Variants in TMEM47 observed in about 807,000 individuals in gnomAD.
TMEM47 encodes brain cell membrane protein 1.
In TMEM47, 3 loss-of-function variants were observed where a neutral mutation model predicts 12.4. The ratio of observed to expected loss-of-function variants is 0.24; its 90% CI spans 0.11 to 0.63. TMEM47 has a LOEUF of 0.63. Ranked by LOEUF, TMEM47 falls within the 20% of genes least tolerant of loss-of-function variation. The pLI is 0.86. For missense variants in TMEM47, 89 were observed against 143.8 expected (o/e 0.62, Z 1.95); for synonymous variants, 62 against 63.3 (o/e 0.98, Z 0.10).
chrX:34,630,162 T>A lies in TMEM47; in HGVS notation c.*151A>T. On this transcript the variant is annotated 3_prime_UTR_variant, in exon 3 of 3. Transcript: ENST00000275954. Reference sequence around the variant, plus strand: ...AAATGGATGTAAAAGCTGGTTATGATGTTGACAGCCAAAAGGCAAAAAAGA... The same window carrying A: ...AAATGGATGTAAAAGCTGGTTATGAAGTTGACAGCCAAAAGGCAAAAAAGA... 2.0e-6 allele frequency: 1 copy of A among 510,657 alleles called. No individual in the cohort carries two copies. Among genetic ancestry groups the A allele is most frequent in the Non-Finnish European group, 3.1e-6 (1 of 324,583 alleles). 42.1% of individuals were successfully genotyped at this position (510,657 alleles called of 1,213,427 possible). A position where few individuals can be genotyped will look rare whatever the true frequency, so the allele number is the denominator to read the frequency against.
At chrX:34,635,540 G>A (rs746773691) in intron 2 of TMEM47, among the ~76,000 whole-genome samples, 39 of 111,293 alleles carry the variant, frequency 3.5e-4, no homozygotes, top group African/African-American at 1.1e-3. Flanking sequence ...GATTAGAGAA[G>A]GACAGGCCCC....
chrX:34,630,108 T>C lies in TMEM47; in HGVS notation c.*205A>G. 1 of 364,270 alleles carries C rather than the reference T, an allele frequency of 2.7e-6. No individual in the cohort carries two copies. The highest frequency in any genetic ancestry group is 4.8e-6 in the Non-Finnish European group (1 of 208,281). 30.0% of individuals were successfully genotyped at this position (364,270 alleles called of 1,213,427 possible). Reference sequence around the variant, plus strand: ...GTTTGCAGCATTTGCCTATGTCTAATCAGCTCTCTTAATTTGTGCAGATTT... The same window carrying C: ...GTTTGCAGCATTTGCCTATGTCTAACCAGCTCTCTTAATTTGTGCAGATTT... On this transcript the variant is annotated 3_prime_UTR_variant, in exon 3 of 3. Coordinates refer to ENST00000275954, the MANE Select transcript of TMEM47 (RefSeq NM_031442.4).
intron 2 of TMEM47, among the ~76,000 whole-genome samples, chrX:34,632,236 G>A (rs1308436463): frequency 2.7e-5 from 3 of 111,386 alleles, no homozygotes; most frequent in Non-Finnish European, 5.7e-5. Context: ...ACAAAAATGT[G>A]AATAATTAAA....
rs1429890782 is a variant in TMEM47 at position 34,629,304 on chromosome X, A to G, written c.*1009T>C. The G allele has an allele frequency of 9.0e-6, 1 of 111,576 alleles. No individual in the cohort carries two copies. The highest frequency in any genetic ancestry group is 1.9e-5 in the Non-Finnish European group (1 of 53,139). The allele number at this position is 111,576 out of a possible 1,213,427, so 9.2% of individuals were successfully genotyped here. On this transcript the variant is annotated 3_prime_UTR_variant, in exon 3 of 3. Coordinates refer to ENST00000275954, the MANE Select transcript of TMEM47 (RefSeq NM_031442.4). ...TTTCCAGTGAAACAGTAAAGAACAT[A>G]GAGCAAAAGCTTTAAGGTACCATAC... is the stretch of plus-strand genomic sequence containing the variant.
intron 1 of TMEM47, among the ~76,000 whole-genome samples, chrX:34,645,666 A>G (rs1047702633): frequency 1.8e-5 from 2 of 112,057 alleles, no homozygotes; most frequent in African/African-American, 6.5e-5. Flanking sequence ...AAAGAAAGGC[A>G]GCCAAATGAA....
At chrX:34,631,170 CAAAAAAAAAAAAAAAAAAAAAA>C in intron 2 of TMEM47, among the ~76,000 whole-genome samples, 1 of 18,565 alleles carries the variant, frequency 5.4e-5, no homozygotes, top group East Asian at 2.2e-3. Context: ...GACTCTGTCT[CAAAAAAAAAAAAAAAAAAAAAA>C]AAAAAAAAAA....
At chrX:34,631,407 T>C (rs992637571) in intron 2 of TMEM47, among the ~76,000 whole-genome samples, 1 of 110,961 alleles carries the variant, frequency 9.0e-6, no homozygotes, top group Non-Finnish European at 1.9e-5. Context: ...ATTACTCTGA[T>C]CCAAAGCTAC....
chrX:34,639,156 G>A, intron 2 of TMEM47, 91 bp downstream of exon 2: 2 of 1,021,330 alleles, frequency 2.0e-6, no homozygotes, highest in Non-Finnish European at 2.6e-6. Context: ...ACGTAATGCA[G>A]CAAACACATA....
At chrX:34,633,327 C>A (rs1921658701) in intron 2 of TMEM47, among the ~76,000 whole-genome samples, 1 of 111,436 alleles carries the variant, frequency 9.0e-6, no homozygotes, top group Non-Finnish European at 1.9e-5. Flanking sequence ...AGATATTGAG[C>A]ACAGATCTGA....
At chrX:34,642,937 G>C (rs1038116195) in intron 1 of TMEM47, among the ~76,000 whole-genome samples, 1 of 111,718 alleles carries the variant, frequency 9.0e-6, no homozygotes, top group Non-Finnish European at 1.9e-5. Flanking sequence ...TTGCTGATCA[G>C]TTTAACCTCG....
Position 34,639,353 on chromosome X carries a change from G to T in TMEM47, c.261C>A (p.Gly87=). The change falls in exon 2 of 3, where the codon GGC becomes GGA. Residue 87 remains glycine, a synonymous_variant. Coordinates refer to ENST00000275954, the MANE Select transcript of TMEM47 (RefSeq NM_031442.4). ...ATGCAATGAGAATGATGGCAGCGCC[G>T]CCCAGGAGTAAAGCCAGAGTAGCAA... is the stretch of plus-strand genomic sequence containing the variant. The part of the protein sequence containing the change: ...WQIATLALLL[G]GAAIILIAFL... 2 of 1,208,324 alleles carry T rather than the reference G, an allele frequency of 1.7e-6. No homozygotes were observed. Among genetic ancestry groups the T allele is most frequent in the Non-Finnish European group, 1.1e-6 (1 of 893,843 alleles).
Position 34,630,510 on chromosome X carries a change from A to C in TMEM47, c.368-19T>G, listed in dbSNP as rs777297767. ...AAAACAACTGAAAGAAAAGCAAATC[A>C]AAATTAGAAAATGTTATTTGCAGCA... is the stretch of plus-strand genomic sequence containing the variant. On this transcript the variant is annotated intron_variant, in intron 2 of 2. Coordinates refer to ENST00000275954, the MANE Select transcript of TMEM47 (RefSeq NM_031442.4). 3 of 1,165,271 alleles carry C rather than the reference A, an allele frequency of 2.6e-6. No individual in the cohort carries two copies. The highest frequency in any genetic ancestry group is 1.8e-5 in the African/African-American group (1 of 56,153).
intron 1 of TMEM47, among the ~76,000 whole-genome samples, chrX:34,647,355 T>C (rs1317476897): frequency 9.0e-6 from 1 of 111,669 alleles, no homozygotes; most frequent in Non-Finnish European, 1.9e-5. Context: ...TTAACATGGT[T>C]TTGCCTAATA....
chrX:34,647,639 C>T (rs1921937480), intron 1 of TMEM47, among the ~76,000 whole-genome samples: 1 of 111,336 alleles, frequency 9.0e-6, no homozygotes, highest in Non-Finnish European at 1.9e-5. Context: ...GAAAGGTGTC[C>T]TTGTCTAATT....
intron 1 of TMEM47, among the ~76,000 whole-genome samples, chrX:34,652,353 C>G (rs1052852644): frequency 3.6e-5 from 4 of 112,375 alleles, no homozygotes; most frequent in Non-Finnish European, 3.8e-5. Context: ...TCTAGTAGCA[C>G]TGACTATATC....
chrX:34,657,166 GC>G lies in TMEM47; in HGVS notation c.-138del. 1.0e-6 allele frequency: 1 copy of G among 954,330 alleles called. No homozygotes were observed. The highest frequency in any genetic ancestry group is 1.3e-6 in the Non-Finnish European group (1 of 757,888). The allele number at this position is 954,330 out of a possible 1,213,427, so 78.6% of individuals were successfully genotyped here. On this transcript the variant is annotated 5_prime_UTR_variant, in exon 1 of 3. Coordinates refer to ENST00000275954, the MANE Select transcript of TMEM47 (RefSeq NM_031442.4). ...GACTCGCTCCCTCGGGGCTCTGCGC[GC>G]CCCCTGCCGCGCGGCCAAGGTGGGT...
At chrX:34,637,900 T>C (rs1160888740) in intron 2 of TMEM47, among the ~76,000 whole-genome samples, 1 of 110,847 alleles carries the variant, frequency 9.0e-6, no homozygotes, top group African/African-American at 3.3e-5. Flanking sequence ...TCTTACTCTG[T>C]TGCCAAGGCT....
chrX:34,636,388 A>G (rs1172954824), intron 2 of TMEM47, among the ~76,000 whole-genome samples: 1 of 112,011 alleles, frequency 8.9e-6, no homozygotes, highest in Non-Finnish European at 1.9e-5. Flanking sequence ...TTAATAACAT[A>G]ATAAATGGGG....
chrX:34,637,305 C>T (rs1034612225), intron 2 of TMEM47, among the ~76,000 whole-genome samples: 8 of 109,279 alleles, frequency 7.3e-5, no homozygotes, highest in Non-Finnish European at 1.1e-4. Flanking sequence ...GTAATAAGCC[C>T]GCCCTAAATA....
Sources: allele counts gnomAD v4.1 joint callset (sites outside exome capture counted in the v4.1 genomes callset), GRCh38; gene constraint gnomAD v4.1.1; transcripts MANE v1.5; gene names NCBI Gene and HGNC (gene_info 2026-07-23, HGNC 2026-07-21).